SLC39A11: variants seen among roughly 807,000 people sequenced by gnomAD.
The protein encoded by SLC39A11 is zinc transporter ZIP11.
Under a neutral mutation model 36.1 loss-of-function variants are expected in SLC39A11, and 33 were observed. The observed-to-expected ratio is 0.91, with a 90% CI of 0.69 to 1.22. The LOEUF is 1.22. SLC39A11 is among the 50% of genes most tolerant of loss of function. The pLI, the probability that SLC39A11 is intolerant of heterozygous loss-of-function variation, is 0.00. For synonymous variants in SLC39A11, 166 were observed against 170.3 expected, an observed-to-expected ratio of 0.97 and a Z score of 0.20; for missense variants, 432 against 430.3, an observed-to-expected ratio of 1.00 and a Z score of -0.03.
At chr17:72,897,043 ACT>A (rs1405034465) in intron 5 of SLC39A11, among the ~76,000 whole-genome samples, 1 of 101,840 alleles carries the variant, frequency 9.8e-6, no homozygotes, top group Non-Finnish European at 1.8e-5. Context: ...ACAGAGTAAG[ACT>A]CTGTCTCAAA....
Position 72,653,031 on chromosome 17 carries a change from G to A in SLC39A11, c.672-3763C>T, listed in dbSNP as rs556755531. On this transcript the variant is annotated intron_variant, in intron 7 of 9. Transcript: ENST00000255559. ...GGACGCTTCCCTGGGCACAGAGGAG[G>A]GGAGAGCTGCTGGAAGGGAGTAGGG... Among the ~76,000 whole-genome samples the A allele has an allele frequency of 2.6e-5, 4 of 152,274 alleles. No homozygotes were observed. The East Asian group carries it at 7.7e-4, about 29-fold the overall frequency.
At chr17:73,018,001 G>A (rs1427511466) in intron 4 of SLC39A11, among the ~76,000 whole-genome samples, 1 of 152,092 alleles carries the variant, frequency 6.6e-6, no homozygotes, top group Admixed American at 6.6e-5. Context: ...TCTTAGCAAG[G>A]AAATCTCACT....
chr17:73,014,574 G>A (rs578001422), intron 4 of SLC39A11, among the ~76,000 whole-genome samples: 17 of 149,892 alleles, frequency 1.1e-4, no homozygotes, highest in Non-Finnish European at 2.2e-4. Context: ...AGAGGATCGC[G>A]TGAGCCTGGA....
chr17:73,064,279 G>C (rs1042705922), intron 3 of SLC39A11, among the ~76,000 whole-genome samples: 2 of 152,154 alleles, frequency 1.3e-5, no homozygotes, highest in Admixed American at 1.3e-4. Context: ...TGTGGGATTA[G>C]AAGCCAGGGC....
Position 73,004,232 on chromosome 17 carries a change from A to AAAGAAAGAAAGAAAGAAAGAAAGAAAG in SLC39A11, c.306+27323_306+27324insCTTTCTTTCTTTCTTTCTTTCTTTCTT. 3.6e-4 allele frequency among the ~76,000 whole-genome samples: 32 copies of AAAGAAAGAAAGAAAGAAAGAAAGAAAG among 88,708 alleles called. 1 individual carries two copies. Among genetic ancestry groups the AAAGAAAGAAAGAAAGAAAGAAAGAAAG allele is most frequent in the African/African-American group, 1.3e-3 (31 of 23,714 alleles). The allele number at this position is 88,708 out of a possible 152,430, so 58.2% of individuals were successfully genotyped here. A position where few individuals can be genotyped will look rare whatever the true frequency, so the allele number is the denominator to read the frequency against. On this transcript the variant is annotated intron_variant, in intron 4 of 9. Coordinates refer to ENST00000255559, the MANE Select transcript of SLC39A11 (RefSeq NM_139177.4). Reference sequence around the variant, plus strand: ...GAAAGAAAGAAAGAAAGAAAGAAAGAAAAGAAAGAAAGAGAAAAAGCAAGC... The same window carrying AAAGAAAGAAAGAAAGAAAGAAAGAAAG: ...GAAAGAAAGAAAGAAAGAAAGAAAGAAAGAAAGAAAGAAAGAAAGAAAGAAAGAAAGAAAGAAAGAGAAAAAGCAAGC...
At chr17:72,972,323 G>C (rs1336085414) in intron 4 of SLC39A11, among the ~76,000 whole-genome samples, 6 of 152,186 alleles carry the variant, frequency 3.9e-5, no homozygotes, top group Non-Finnish European at 5.9e-5. Flanking sequence ...AGCCAGGTAA[G>C]GGCATTGCAA....
intron 4 of SLC39A11, among the ~76,000 whole-genome samples, chr17:72,975,838 G>T (rs918266201): frequency 1.3e-5 from 2 of 152,160 alleles, no homozygotes. Flanking sequence ...TATAGAGCAG[G>T]TATCAAGAAG....
intron 4 of SLC39A11, among the ~76,000 whole-genome samples, chr17:73,014,930 G>C (rs2090725715): frequency 6.6e-6 from 1 of 152,108 alleles, no homozygotes; most frequent in African/African-American, 2.4e-5. Context: ...CCGCCCCTGA[G>C]CCACTGGTTC....
chr17:72,926,931 G>A (rs1361407718), intron 5 of SLC39A11, among the ~76,000 whole-genome samples: 1 of 150,258 alleles, frequency 6.7e-6, no homozygotes, highest in African/African-American at 2.5e-5. Flanking sequence ...ACGTGACCTT[G>A]CACGGGAATT....
intron 6 of SLC39A11, chr17:72,838,229 T>TTA: frequency 2.6e-6 from 1 of 381,656 alleles, no homozygotes. Context: ...TTCTTTCCTT[T>TTA]TCTTTTTTTT....
intron 4 of SLC39A11, among the ~76,000 whole-genome samples, chr17:73,015,856 ACAGGTGTGAGCCACCGTGCC>A (rs2090774355): frequency 6.6e-6 from 1 of 152,312 alleles, no homozygotes; most frequent in African/African-American, 2.4e-5. Flanking sequence ...TGCTGGGATT[ACAGGTGTGAGCCACCGTGCC>A]CAGCCAAGAA....
chr17:72,692,199 G>T (rs981063287), intron 7 of SLC39A11, among the ~76,000 whole-genome samples: 2 of 151,862 alleles, frequency 1.3e-5, no homozygotes, highest in African/African-American at 4.9e-5. Flanking sequence ...TTTTAGTAGA[G>T]ACAGGGTTTC....
chr17:72,763,919 T>TATA (rs1568050057), intron 6 of SLC39A11, among the ~76,000 whole-genome samples: 1 of 152,162 alleles, frequency 6.6e-6, no homozygotes. Context: ...CTCACCTGCT[T>TATA]ATATCCGGTT....
intron 6 of SLC39A11, among the ~76,000 whole-genome samples, chr17:72,823,009 T>G (rs190095096): frequency 6.6e-6 from 1 of 151,328 alleles, no homozygotes; most frequent in Admixed American, 6.6e-5. Flanking sequence ...GTGCCGGGAT[T>G]ATAGGCATGA....
intron 5 of SLC39A11, among the ~76,000 whole-genome samples, chr17:72,906,273 G>A (rs1160959672): frequency 1.3e-5 from 2 of 152,252 alleles, no homozygotes; most frequent in Non-Finnish European, 2.9e-5. Context: ...CACGGGAGAA[G>A]AGGAGGAAGT....
chr17:72,790,128 A>G (rs1260215518), intron 6 of SLC39A11, among the ~76,000 whole-genome samples: 1 of 152,156 alleles, frequency 6.6e-6, no homozygotes, highest in Non-Finnish European at 1.5e-5. Flanking sequence ...GGGTGGGCAG[A>G]TTATCCATTT....
intron 6 of SLC39A11, among the ~76,000 whole-genome samples, chr17:72,833,913 C>T (rs1488633332): frequency 1.3e-5 from 2 of 152,180 alleles, no homozygotes; most frequent in Non-Finnish European, 1.5e-5. Context: ...CACAGGATGA[C>T]TCTGCAGCAT....
chr17:72,685,500 T>C (rs2071706298), intron 7 of SLC39A11, among the ~76,000 whole-genome samples: 2 of 67,252 alleles, frequency 3.0e-5, no homozygotes, highest in South Asian at 7.2e-4. Context: ...TAGTAAGTGA[T>C]GGGGAGAGTG....
At chr17:73,091,243 C>T (rs1599260764) in intron 1 of SLC39A11, among the ~76,000 whole-genome samples, 1 of 152,114 alleles carries the variant, frequency 6.6e-6, no homozygotes, top group Admixed American at 6.5e-5. Flanking sequence ...GCCTGGCCAA[C>T]ACGGTGAAAC....
Sources: allele counts gnomAD v4.1 joint callset (sites outside exome capture counted in the v4.1 genomes callset), GRCh38; gene constraint gnomAD v4.1.1; transcripts MANE v1.5; gene names NCBI Gene and HGNC (gene_info 2026-07-23, HGNC 2026-07-21).